The following AKT3 variants were observed in gnomAD, a reference collection of about 807,000 sequenced individuals.
AKT3 encodes the protein RAC-gamma serine/threonine-protein kinase.
A neutral mutation model predicts 65.3 loss-of-function variants in AKT3; 15 were observed. The ratio of observed to expected loss-of-function variants is 0.23; its 90% confidence interval spans 0.15 to 0.35. AKT3 has a LOEUF of 0.35. Among genes scored for constraint, AKT3 ranks in the 10% least tolerant of loss-of-function variants. The pLI is 1.00. For missense variants in AKT3, 243 were observed against 576.5 expected, an observed-to-expected ratio of 0.42 and a Z score of 5.92; for synonymous variants, 206 against 183.8, an observed-to-expected ratio of 1.12 and a Z score of -0.98.
rs996543186 is a variant in AKT3, at chr1:243,532,885, G to GT, written c.1251+12624dup. The stretch of plus-strand genomic sequence containing the variant: ...TTCTTAAGTCATTTTGGTGATTTGT[G>GT]TATTTCCAGGAATGTGTCCATTTCA... On this transcript the variant is annotated intron_variant, in intron 12 of 13. Transcript: ENST00000673466. Among the ~76,000 whole-genome samples the GT allele has an allele frequency of 2.3e-4, 35 of 152,154 alleles. 1 individual carries two copies. Among genetic ancestry groups the GT allele is most frequent in the Non-Finnish European group, 4.4e-5 (3 of 68,010 alleles).
At chr1:243,838,099 C>T (rs1414988256) in intron 2 of AKT3, among the ~76,000 whole-genome samples, 3 of 152,070 alleles carry the variant, frequency 2.0e-5, no homozygotes, top group Non-Finnish European at 4.4e-5. Context: ...AGCAACTTTA[C>T]AATTCTATAA....
At chr1:243,757,093 A>G (rs762107679) in intron 2 of AKT3, among the ~76,000 whole-genome samples, 24 of 152,242 alleles carry the variant, frequency 1.6e-4, no homozygotes, top group Non-Finnish European at 2.4e-4. Context: ...AAGAGCCCTG[A>G]CAATCAAATG....
chr1:243,494,807 A>G (rs1667397129), downstream of AKT3, among the ~76,000 whole-genome samples: 1 of 152,262 alleles, frequency 6.6e-6, no homozygotes, highest in South Asian at 2.1e-4. Context: ...GGAGCTAAAT[A>G]TTTTAATCCA....
In AKT3 at chr1:243,499,846, A is replaced by AGACTT. The variant is rs368945100; in HGVS notation, c.*5398_*5402dup. ...AGAGATATTTACATTCATCTGGTTT[A>AGACTT]GACTTAATATGCCACAACGCACCAC... On this transcript the variant is annotated 3_prime_UTR_variant, in exon 14 of 14. Coordinates refer to ENST00000673466, the MANE Select transcript of AKT3 (RefSeq NM_005465.7). 703 of 1,527,422 alleles carry AGACTT rather than the reference A, an allele frequency of 4.6e-4. 4 individuals are homozygous for AGACTT. The African/African-American group carries it at 9.1e-3, about 20-fold the overall frequency. The allele number at this position is 1,527,422 out of a possible 1,614,324, so 94.6% of individuals were successfully genotyped here.
intron 10 of AKT3, among the ~76,000 whole-genome samples, chr1:243,558,783 T>A: frequency 6.6e-6 from 1 of 152,092 alleles, no homozygotes; most frequent in East Asian, 1.9e-4. Flanking sequence ...GTACTTTTTG[T>A]GTGATCACAT....
At chr1:243,492,281 G>A (rs187496778) in intron 13 of AKT3, among the ~76,000 whole-genome samples, 1 of 147,910 alleles carries the variant, frequency 6.8e-6, no homozygotes, top group African/African-American at 2.5e-5. Context: ...TCAAGCTCTC[G>A]GCTCGTTTCT....
intron 2 of AKT3, among the ~76,000 whole-genome samples, chr1:243,783,660 C>G (rs946235572): frequency 1.3e-5 from 2 of 152,140 alleles, no homozygotes; most frequent in African/African-American, 4.8e-5. Context: ...AAAGCTAGGA[C>G]ATGGGTACTT....
chr1:243,568,718 T>C (rs980025999), intron 9 of AKT3, among the ~76,000 whole-genome samples: 1 of 152,210 alleles, frequency 6.6e-6, no homozygotes, highest in Admixed American at 6.5e-5. Context: ...CCCAACCTTT[T>C]ACATTTCACA....
rs766499719 is a variant in AKT3, at chr1:243,664,930, C to A, written c.173-47G>T. Reference sequence around the variant, plus strand: ...TCTTTAAATATGGATATATTTAAAACAAGAAGTAAATAATTGAGAACTACA... The same window carrying A: ...TCTTTAAATATGGATATATTTAAAAAAAGAAGTAAATAATTGAGAACTACA... On this transcript the variant is annotated intron_variant, in intron 3 of 13. Transcript: ENST00000673466. The A allele has an allele frequency of 1.1e-5, 12 of 1,142,310 alleles. No homozygotes were observed. The African/African-American group carries it at 1.8e-4, about 17-fold the overall frequency. The allele number at this position is 1,142,310 out of a possible 1,614,324, so 70.8% of individuals were successfully genotyped here. A position where few individuals can be genotyped will look rare whatever the true frequency, so the allele number is the denominator to read the frequency against.
intron 2 of AKT3, among the ~76,000 whole-genome samples, chr1:243,766,506 A>G (rs1689834465): frequency 6.6e-6 from 1 of 152,218 alleles, no homozygotes; most frequent in African/African-American, 2.4e-5. Context: ...TATTGCAGTA[A>G]TACAGGTAAA....
At chr1:243,715,913 T>C (rs1413995833) in intron 2 of AKT3, among the ~76,000 whole-genome samples, 1 of 152,078 alleles carries the variant, frequency 6.6e-6, no homozygotes, top group Non-Finnish European at 1.5e-5. Flanking sequence ...ATATAAGATC[T>C]GAAAATTTAA....
intron 2 of AKT3, among the ~76,000 whole-genome samples, chr1:243,749,142 CTA>C (rs1159447037): frequency 1.3e-5 from 2 of 151,930 alleles, no homozygotes; most frequent in Non-Finnish European, 2.9e-5. Flanking sequence ...CCTGATCATT[CTA>C]TATTTTTCTA....
chr1:243,532,343 C>CT (rs1340336686), intron 12 of AKT3, among the ~76,000 whole-genome samples: 4 of 151,848 alleles, frequency 2.6e-5, no homozygotes, highest in Non-Finnish European at 4.4e-5. Context: ...CTATTCCTAG[C>CT]TTTTTTTTCT....
chr1:243,711,654 C>T (rs1686166014), intron 2 of AKT3, among the ~76,000 whole-genome samples: 1 of 152,152 alleles, frequency 6.6e-6, no homozygotes, highest in Admixed American at 6.5e-5. Context: ...ATACTAACAG[C>T]TACTACTGAA....
intron 2 of AKT3, among the ~76,000 whole-genome samples, chr1:243,772,424 A>T (rs539073713): frequency 5.9e-5 from 9 of 152,350 alleles, no homozygotes; most frequent in African/African-American, 2.2e-4. Context: ...CAGCCAAAAG[A>T]CATATGAAAA....
intron 2 of AKT3, among the ~76,000 whole-genome samples, chr1:243,703,811 A>G (rs1685628613): frequency 1.3e-5 from 2 of 151,960 alleles, no homozygotes; most frequent in Admixed American, 6.6e-5. Flanking sequence ...AATTTTGTTC[A>G]TATTATCTAC....
At chr1:243,774,653 A>C (rs1195811720) in intron 2 of AKT3, among the ~76,000 whole-genome samples, 3 of 152,214 alleles carry the variant, frequency 2.0e-5, no homozygotes, top group African/African-American at 7.2e-5. Flanking sequence ...CAGCCAAAGA[A>C]AAGATCTACT....
intron 9 of AKT3, among the ~76,000 whole-genome samples, chr1:243,571,114 C>T (rs1187053544): frequency 6.6e-6 from 1 of 151,912 alleles, no homozygotes; most frequent in East Asian, 1.9e-4. Flanking sequence ...GTCAGGAGAT[C>T]GAGACTATCC....
intron 2 of AKT3, among the ~76,000 whole-genome samples, chr1:243,820,553 G>A (rs1693797406): frequency 6.6e-6 from 1 of 152,182 alleles, no homozygotes; most frequent in Non-Finnish European, 1.5e-5. Context: ...TATGAACCAT[G>A]ATAAAACATC....
Sources: allele counts gnomAD v4.1 joint callset (sites outside exome capture counted in the v4.1 genomes callset), GRCh38; gene constraint gnomAD v4.1.1; transcripts MANE v1.5; gene names NCBI Gene and HGNC (gene_info 2026-07-23, HGNC 2026-07-21).